IFI16: variants seen among roughly 807,000 people sequenced by gnomAD.
The protein encoded by IFI16 is gamma-interferon-inducible protein 16.
A neutral mutation model predicts 68.4 loss-of-function variants in IFI16; 49 were observed. The observed-to-expected ratio is 0.72, with a 90% CI of 0.57 to 0.91. IFI16 has a LOEUF of 0.91. Ranked by LOEUF, IFI16 falls within the 40% of genes least tolerant of loss-of-function variation. The pLI, the probability that IFI16 is intolerant of heterozygous loss-of-function variation, is 0.00. For missense variants in IFI16, 878 were observed against 942.9 expected (o/e 0.93, Z 0.90); for synonymous variants, 307 against 315.0 (o/e 0.97, Z 0.27).
upstream of IFI16, among the ~76,000 whole-genome samples, chr1:159,004,183 A>T (rs567852770): frequency 6.9e-4 from 105 of 152,122 alleles, no homozygotes; most frequent in South Asian, 0.013. Flanking sequence ...ATTCCAGCCA[A>T]AATATTAAGG....
intron 6 of IFI16, among the ~76,000 whole-genome samples, chr1:159,029,367 C>A (rs1256275757): frequency 6.6e-6 from 1 of 152,198 alleles, no homozygotes; most frequent in Non-Finnish European, 1.5e-5. Flanking sequence ...TGCTTTTAAT[C>A]TGATAGGTTC....
chr1:159,006,917 T>A (rs761893966), upstream of IFI16, among the ~76,000 whole-genome samples: 2 of 152,244 alleles, frequency 1.3e-5, no homozygotes, highest in Non-Finnish European at 2.9e-5. Context: ...TATTTCGCAT[T>A]TCTGACTGTT....
chr1:159,019,238 A>G (rs1013708395), intron 5 of IFI16, among the ~76,000 whole-genome samples: 3 of 146,590 alleles, frequency 2.0e-5, no homozygotes, highest in Admixed American at 6.6e-5. Flanking sequence ...GGTAATCTAA[A>G]TTTGTCATTT....
chr1:159,013,108 T>C (rs1356491620), intron 1 of IFI16, among the ~76,000 whole-genome samples: 3 of 151,348 alleles, frequency 2.0e-5, no homozygotes, highest in African/African-American at 4.8e-5. Context: ...GATTTTCCCT[T>C]CATTCTCTGG....
chr1:159,048,462 T>C (rs1300803389), intron 8 of IFI16, among the ~76,000 whole-genome samples: 2 of 151,490 alleles, frequency 1.3e-5, no homozygotes, highest in Non-Finnish European at 3.0e-5. Context: ...ATGTGAACCT[T>C]TAATGAGCAT....
At position 159,018,317 on chromosome 1, in the gene IFI16, C is replaced by T. The variant is rs765889431; in HGVS notation, c.638C>T (p.Thr213Ile). ...RPVIVKVLST[T>I]KPFEYETPEM... ...GTGATAGTGAAGGTACTGAGTACAA[C>T]AAAGCCATTTGAATATGAGACCCCA... is the stretch of plus-strand genomic sequence containing the variant. The change falls in exon 5 of 12, where the codon ACA becomes ATA. Residue 213 changes from threonine to isoleucine, a missense_variant. Thr to Ile is a moderately conservative substitution (Grantham distance 89). This residue lies in a region of IFI16 where 443 missense variants were observed against 421.8 expected (regional missense o/e 1.05). Transcript: ENST00000295809. 1.2e-5 allele frequency: 20 copies of T among 1,613,860 alleles called. No individual in the cohort carries two copies. In the South Asian group the frequency reaches 2.0e-4, roughly 16 times the overall value.
chr1:159,006,082 A>T (rs1652245769), upstream of IFI16: 1 of 152,308 alleles, frequency 6.6e-6, no homozygotes, highest in Non-Finnish European at 1.5e-5. Context: ...CCAACCAGCC[A>T]GGAGTGGTCT....
rs568491167 is a variant in IFI16, at chr1:159,036,998, G to A, written c.1329+4307G>A. On this transcript the variant is annotated intron_variant, in intron 7 of 11. Transcript: ENST00000295809. ...ATACTTTCTAAGAGTTTTATATGTC[G>A]TATAGAGCTACCTATCATGACTGTT... is the stretch of plus-strand genomic sequence containing the variant. Among the ~76,000 whole-genome samples, 6 of 152,196 alleles carry A rather than the reference G, an allele frequency of 3.9e-5. No individual in the cohort carries two copies. The South Asian group carries it at 6.2e-4, about 16-fold the overall frequency.
chr1:159,032,595 T>C lies in IFI16; in HGVS notation c.1233T>C (p.Leu411=), dbSNP rs1329598447. Residue 411 remains leucine (L), a synonymous_variant, in exon 7 of 12, where the codon CTT becomes CTC. Transcript: ENST00000295809. ...AGCTACCCCAGGAACAGCGTCAGCTTCCATATCCTTCAGAGGCCAGCACAA... is the reference window on the plus strand; with the variant it reads ...AGCTACCCCAGGAACAGCGTCAGCTCCCATATCCTTCAGAGGCCAGCACAA... ...SMKLPQEQRQ[L]PYPSEASTTF... 1.2e-6 allele frequency: 2 copies of C among 1,612,216 alleles called. No homozygotes were observed. Among genetic ancestry groups the C allele is most frequent in the South Asian group, 2.2e-5 (2 of 90,912 alleles).
intron 1 of IFI16, among the ~76,000 whole-genome samples, chr1:159,012,638 C>T (rs2188115): frequency 4.7e-4 from 71 of 152,302 alleles, no homozygotes; most frequent in African/African-American, 1.5e-3. Context: ...TTTGCTTCTA[C>T]AGAAGGGTGC....
intron 4 of IFI16, among the ~76,000 whole-genome samples, 175 bp from the exon 5 acceptor site, chr1:159,018,054 A>G (rs189548790): frequency 2.0e-4 from 31 of 152,256 alleles, no homozygotes; most frequent in Admixed American, 1.6e-3. Flanking sequence ...TCATCTTGCT[A>G]TTGTACCAGT....
intron 6 of IFI16, among the ~76,000 whole-genome samples, chr1:159,026,389 C>G (rs186237699): frequency 3.2e-4 from 48 of 151,926 alleles, no homozygotes; most frequent in Admixed American, 2.9e-3. Flanking sequence ...ACCTCTGTCT[C>G]CCGGGTTCAA....
intron 2 of IFI16, 113 bp from the exon 3 acceptor site, chr1:159,015,759 C>A (rs1401692383): frequency 1.3e-6 from 1 of 744,140 alleles, no homozygotes; most frequent in African/African-American, 1.8e-5. Flanking sequence ...ACAGCTGAAC[C>A]CTCAAGCAGG....
chr1:159,044,159 A>C (rs138152038), intron 7 of IFI16, among the ~76,000 whole-genome samples: 72 of 152,220 alleles, frequency 4.7e-4, no homozygotes, highest in South Asian at 1.7e-3. Context: ...TAACACCATA[A>C]AAAAATGCTA....
chr1:159,052,084 T>A lies in IFI16; in HGVS notation c.2071T>A (p.Phe691Ile). ...QTKGSFVNGV[F>I]EVHKKNVRGE... ...TAAAGGAAGTTTTGTGAATGGGGTGTTTGAGGTACATAAGGTAAGCCCACA... is the reference window on the plus strand; with the variant it reads ...TAAAGGAAGTTTTGTGAATGGGGTGATTGAGGTACATAAGGTAAGCCCACA... Residue 691 changes from phenylalanine (F) to isoleucine (I), a missense_variant, in exon 10 of 12, where the codon TTT (phenylalanine) becomes ATT (isoleucine). Coordinates refer to ENST00000295809, the MANE Select transcript of IFI16 (RefSeq NM_001376587.1). 6.2e-7 allele frequency: 1 copy of A among 1,611,410 alleles called. No individual in the cohort carries two copies. The highest frequency in any genetic ancestry group is 8.5e-7 in the Non-Finnish European group (1 of 1,179,530).
At position 159,014,996 on chromosome 1, in the gene IFI16, C is replaced by G. The variant is rs113858211; in HGVS notation, c.265+51C>G. 3.9e-4 allele frequency: 589 copies of G among 1,497,496 alleles called. 4 individuals are homozygous for G. In the African/African-American group the frequency reaches 6.8e-3, roughly 17 times the overall value. 92.8% of individuals were successfully genotyped at this position (1,497,496 alleles called of 1,614,324 possible). On this transcript the variant is annotated intron_variant, in intron 2 of 11. Transcript: ENST00000295809. ...TCCCTGCAACCATCCCCAAACCCTC[C>G]CCAACATTGATTAGAGCCCCACCTC... is the stretch of plus-strand genomic sequence containing the variant.
intron 7 of IFI16, among the ~76,000 whole-genome samples, chr1:159,038,523 C>G (rs531366366): frequency 6.6e-6 from 1 of 151,932 alleles, no homozygotes; most frequent in Non-Finnish European, 1.5e-5. Context: ...CGCTACCAGG[C>G]CTGGCTAATT....
At chr1:159,011,111 G>C (rs1043581915) in intron 1 of IFI16, among the ~76,000 whole-genome samples, 1 of 151,616 alleles carries the variant, frequency 6.6e-6, no homozygotes, top group African/African-American at 2.4e-5. Flanking sequence ...GCCGGGCACA[G>C]AGGTTCATGC....
At position 159,018,435 on chromosome 1, in the gene IFI16, A is replaced by G; in HGVS notation, c.756A>G (p.Lys252=). ...VKVLNTSLKE[K]FNGKKIIIIS... ...TTTTAAACACCAGCTTGAAGGAGAA[A>G]TTCAATGGAAAGAAAATCATCATCA... Residue 252 remains lysine (K), a synonymous_variant, in exon 5 of 12, where the codon AAA becomes AAG. Transcript: ENST00000295809. The G allele has an allele frequency of 1.9e-6, 3 of 1,613,806 alleles. No individual in the cohort carries two copies. In the South Asian group the frequency reaches 3.3e-5, roughly 18 times the overall value.
Sources: allele counts gnomAD v4.1 joint callset (sites outside exome capture counted in the v4.1 genomes callset), GRCh38; gene constraint gnomAD v4.1.1; regional missense constraint gnomAD v4.1.1; transcripts MANE v1.5; gene names NCBI Gene and HGNC (gene_info 2026-07-23, HGNC 2026-07-21).